IGSF11: variants seen among roughly 807,000 people sequenced by gnomAD.
The protein encoded by IGSF11 is CXADR like 1.
A neutral mutation model predicts 41.0 loss-of-function variants in IGSF11; 22 were observed. The ratio of observed to expected loss-of-function variants is 0.54; its 90% CI spans 0.38 to 0.77. The LOEUF (loss-of-function observed/expected upper bound fraction) is 0.77, where lower values mean the gene tolerates loss of function less well. Ranked by LOEUF, IGSF11 falls within the 30% of genes least tolerant of loss-of-function variation. The probability of loss-of-function intolerance (pLI) is 0.00; values close to 1 mark genes in which losing one functional copy is unlikely to be tolerated. For missense variants in IGSF11, 444 were observed against 530.8 expected (o/e 0.84, Z 1.61); for synonymous variants, 219 against 201.3 (o/e 1.09, Z -0.74).
chr3:119,094,892 G>A (rs995561149), intron 1 of IGSF11, among the ~76,000 whole-genome samples: 10 of 151,724 alleles, frequency 6.6e-5, no homozygotes, highest in South Asian at 2.1e-4. Flanking sequence ...GGCTGGTCTC[G>A]AACACCTGAC....
intron 1 of IGSF11, among the ~76,000 whole-genome samples, chr3:119,033,155 T>C (rs1221586639): frequency 6.6e-6 from 1 of 152,222 alleles, no homozygotes; most frequent in East Asian, 1.9e-4. Flanking sequence ...ACACAAATGC[T>C]ATTTACAAAA....
intron 1 of IGSF11, among the ~76,000 whole-genome samples, chr3:119,096,449 A>G (rs552111056): frequency 6.6e-6 from 1 of 152,310 alleles, no homozygotes; most frequent in East Asian, 1.9e-4. Flanking sequence ...AATGCAATCT[A>G]TATTAATAAT....
intron 1 of IGSF11, among the ~76,000 whole-genome samples, chr3:118,982,525 CT>C (rs1193116969): frequency 2.0e-5 from 3 of 152,090 alleles, no homozygotes; most frequent in Non-Finnish European, 4.4e-5. Context: ...AAAGAAAATT[CT>C]ATTATAGGAT....
At chr3:118,910,141 G>A (rs1371303214) in intron 4 of IGSF11, among the ~76,000 whole-genome samples, 1 of 152,158 alleles carries the variant, frequency 6.6e-6, no homozygotes, top group East Asian at 1.9e-4. Flanking sequence ...AGATTCTTCT[G>A]AATCAGTATA....
chr3:119,057,796 C>T (rs1941905220), intron 1 of IGSF11, among the ~76,000 whole-genome samples: 1 of 152,152 alleles, frequency 6.6e-6, no homozygotes, highest in African/African-American at 2.4e-5. Context: ...TGGAACAGAA[C>T]AGAGCCCTCA....
intron 1 of IGSF11, among the ~76,000 whole-genome samples, chr3:118,999,015 CTG>C: frequency 6.6e-6 from 1 of 152,028 alleles, no homozygotes; most frequent in South Asian, 2.1e-4. Flanking sequence ...ATGGGTATAA[CTG>C]TGCTACTACT....
intron 4 of IGSF11, among the ~76,000 whole-genome samples, chr3:118,906,793 G>A (rs1011431992): frequency 1.3e-5 from 2 of 152,130 alleles, no homozygotes; most frequent in African/African-American, 4.8e-5. Flanking sequence ...GTATGTTCCA[G>A]GCATTGGGTA....
intron 1 of IGSF11, among the ~76,000 whole-genome samples, chr3:118,998,330 T>C (rs549226108): frequency 1.0e-3 from 159 of 152,264 alleles, no homozygotes; most frequent in African/African-American, 3.8e-3. Flanking sequence ...ACAAGAAATA[T>C]TAGAATTGTT....
At chr3:119,045,994 A>G (rs1472188125) in intron 1 of IGSF11, among the ~76,000 whole-genome samples, 2 of 151,582 alleles carry the variant, frequency 1.3e-5, no homozygotes, top group African/African-American at 4.8e-5. Context: ...ACCCATCTGT[A>G]CATCACCATC....
At chr3:119,132,315 T>G (rs139263207) in intron 1 of IGSF11, among the ~76,000 whole-genome samples, 1,841 of 131,288 alleles carry the variant, frequency 0.014, 33 homozygotes, top group African/African-American at 0.05. Context: ...CCATCTCACA[T>G]GCAGAGACAC....
intron 1 of IGSF11, among the ~76,000 whole-genome samples, chr3:119,080,992 T>C (rs181649727): frequency 2.0e-5 from 3 of 152,218 alleles, no homozygotes; most frequent in African/African-American, 4.8e-5. Flanking sequence ...TTAATTTTCA[T>C]TTTAGGGAAA....
chr3:119,054,196 A>G (rs1053205527), intron 1 of IGSF11, among the ~76,000 whole-genome samples: 2 of 152,270 alleles, frequency 1.3e-5, no homozygotes, highest in African/African-American at 4.8e-5. Context: ...GCTTCTGCAC[A>G]GCAAAAGAAA....
chr3:118,998,584 A>C lies in IGSF11; in HGVS notation c.52+35947T>G, dbSNP rs997066125. Among the ~76,000 whole-genome samples, 5 of 152,220 alleles carry C rather than the reference A, an allele frequency of 3.3e-5. 1 individual carries two copies. Among genetic ancestry groups the C allele is most frequent in the East Asian group, 1.9e-4 (1 of 5,188 alleles). ...CACCCACAAAGTATTATTTGCAAAAAAAAAAAAAGTTTGCAAATAGCAATT... is the reference window on the plus strand; with the variant it reads ...CACCCACAAAGTATTATTTGCAAAACAAAAAAAAGTTTGCAAATAGCAATT... On this transcript the variant is annotated intron_variant, in intron 1 of 6. Coordinates refer to ENST00000393775, the MANE Select transcript of IGSF11 (RefSeq NM_001015887.3).
chr3:119,127,836 T>C (rs1024715374), intron 1 of IGSF11, among the ~76,000 whole-genome samples: 2 of 152,150 alleles, frequency 1.3e-5, no homozygotes, highest in Non-Finnish European at 2.9e-5. Flanking sequence ...ATAAAATCCT[T>C]TCTAGACAAG....
At chr3:119,041,042 G>C (rs1484058072) in intron 1 of IGSF11, among the ~76,000 whole-genome samples, 2 of 151,986 alleles carry the variant, frequency 1.3e-5, no homozygotes, top group African/African-American at 2.4e-5. Context: ...GTTTATAACA[G>C]AAAATATGAA....
intron 1 of IGSF11, among the ~76,000 whole-genome samples, chr3:119,110,407 T>G (rs1335454483): frequency 6.6e-6 from 1 of 152,182 alleles, no homozygotes; most frequent in Admixed American, 6.5e-5. Context: ...AGACTAGGAT[T>G]ACAACCCCTG....
chr3:118,916,279 A>C (rs1464578083), intron 4 of IGSF11, among the ~76,000 whole-genome samples: 6 of 152,080 alleles, frequency 3.9e-5, no homozygotes, highest in Non-Finnish European at 8.8e-5. Flanking sequence ...ATGTAAATGG[A>C]CTAAATGCTC....
chr3:119,065,935 A>C (rs1160246319), intron 1 of IGSF11, among the ~76,000 whole-genome samples: 2 of 152,030 alleles, frequency 1.3e-5, no homozygotes, highest in East Asian at 3.9e-4. Flanking sequence ...TGTAATTTTC[A>C]TCAGGGGAGG....
intron 1 of IGSF11, among the ~76,000 whole-genome samples, chr3:119,138,610 A>C (rs566239306): frequency 6.6e-5 from 10 of 152,190 alleles, no homozygotes; most frequent in African/African-American, 2.4e-4. Flanking sequence ...GCTTGAACCT[A>C]GGAGGTGGAG....
Sources: allele counts gnomAD v4.1 joint callset (sites outside exome capture counted in the v4.1 genomes callset), GRCh38; gene constraint gnomAD v4.1.1; transcripts MANE v1.5; gene names NCBI Gene and HGNC (gene_info 2026-07-23, HGNC 2026-07-21).